RASGEF1B: variants seen among roughly 807,000 people sequenced by gnomAD.
The protein encoded by RASGEF1B is ras-GEF domain-containing family member 1B.
Under a neutral mutation model 65.7 loss-of-function variants are expected in RASGEF1B, and 30 were observed. The ratio of observed to expected loss-of-function variants is 0.46; its 90% CI spans 0.34 to 0.62. The LOEUF (loss-of-function observed/expected upper bound fraction) is 0.62, where lower values mean the gene tolerates loss of function less well. Among genes scored for constraint, RASGEF1B ranks in the 20% least tolerant of loss-of-function variants. The pLI, the probability that RASGEF1B is intolerant of heterozygous loss-of-function variation, is 0.01. For missense variants in RASGEF1B, 495 were observed against 580.1 expected (o/e 0.85, Z 1.51); for synonymous variants, 175 against 194.8 (o/e 0.90, Z 0.85).
chr4:81,463,062 A>G (rs1253918165), intron 1 of RASGEF1B, among the ~76,000 whole-genome samples: 1 of 152,192 alleles, frequency 6.6e-6, no homozygotes, highest in African/African-American at 2.4e-5. Context: ...TATGCTGCAA[A>G]TGGTCTTCTT....
At chr4:81,448,368 G>T in intron 4 of RASGEF1B, 84 bp from the exon 5 acceptor site, 1 of 1,140,194 alleles carries the variant, frequency 8.8e-7, no homozygotes, top group Non-Finnish European at 1.3e-6. Context: ...GTCCTCAAAT[G>T]ATTTTACCTG....
chr4:81,448,990 T>G (rs527910450), intron 4 of RASGEF1B, among the ~76,000 whole-genome samples: 15 of 152,202 alleles, frequency 9.9e-5, no homozygotes, highest in African/African-American at 3.6e-4. Context: ...AATTTTTGTA[T>G]TTTTGTAGAG....
At chr4:81,431,044 T>C (rs1169327308) in intron 13 of RASGEF1B, among the ~76,000 whole-genome samples, 1 of 151,986 alleles carries the variant, frequency 6.6e-6, no homozygotes, top group Non-Finnish European at 1.5e-5. Context: ...AGGAGACATA[T>C]GGAAGGCAAA....
intron 1 of RASGEF1B, among the ~76,000 whole-genome samples, chr4:81,460,192 G>A (rs921387247): frequency 6.6e-6 from 1 of 152,206 alleles, no homozygotes; most frequent in African/African-American, 2.4e-5. Context: ...CATGCAGGCT[G>A]AGAAGACACC....
chr4:81,450,692 C>T (rs915132976), intron 4 of RASGEF1B, among the ~76,000 whole-genome samples: 3 of 151,936 alleles, frequency 2.0e-5, no homozygotes, highest in Admixed American at 2.0e-4. Context: ...AAGTATGAGC[C>T]ACCGTACCCA....
At chr4:81,439,403 T>C (rs1721759312) in intron 10 of RASGEF1B, among the ~76,000 whole-genome samples, 1 of 152,168 alleles carries the variant, frequency 6.6e-6, no homozygotes, top group Non-Finnish European at 1.5e-5. Context: ...ATGTGAAGGG[T>C]AAATACTTGG....
intron 1 of RASGEF1B, among the ~76,000 whole-genome samples, chr4:81,463,431 C>T (rs1035280845): frequency 3.3e-5 from 5 of 152,114 alleles, no homozygotes; most frequent in East Asian, 1.9e-4. Flanking sequence ...GAGCATCTAA[C>T]GAGGGATAGC....
At chr4:81,435,424 A>C (rs1400137566) in intron 10 of RASGEF1B, among the ~76,000 whole-genome samples, 2 of 148,330 alleles carry the variant, frequency 1.3e-5, no homozygotes, top group African/African-American at 5.0e-5. Context: ...TCTCAAAAAA[A>C]AAAAAAAAAA....
At chr4:81,434,329 G>T (rs1375713922) in intron 11 of RASGEF1B, among the ~76,000 whole-genome samples, 1 of 152,142 alleles carries the variant, frequency 6.6e-6, no homozygotes, top group African/African-American at 2.4e-5. Flanking sequence ...GGTATTACAG[G>T]CGTGAGCTAC....
intron 10 of RASGEF1B, among the ~76,000 whole-genome samples, chr4:81,438,667 T>C (rs891482007): frequency 1.3e-5 from 2 of 152,228 alleles, no homozygotes; most frequent in Non-Finnish European, 2.9e-5. Context: ...ACCCGTCATC[T>C]AGGTTTTAAG....
chr4:81,430,014 C>T (rs56257782), intron 13 of RASGEF1B, among the ~76,000 whole-genome samples: 2,156 of 152,310 alleles, frequency 0.014, 27 homozygotes, highest in Middle Eastern at 0.061. Context: ...GAGCTACTTC[C>T]ACTCAATAAA....
intron 8 of RASGEF1B, among the ~76,000 whole-genome samples, chr4:81,443,323 A>G (rs1401851645): frequency 6.6e-6 from 1 of 152,188 alleles, no homozygotes; most frequent in African/African-American, 2.4e-5. Context: ...CACAGATCTT[A>G]AACACATAAT....
chr4:81,430,507 T>C (rs940074375), intron 13 of RASGEF1B, among the ~76,000 whole-genome samples: 35 of 152,146 alleles, frequency 2.3e-4, no homozygotes, highest in Non-Finnish European at 1.5e-4. Flanking sequence ...CCACTGGGGC[T>C]TCAAGAGCTA....
At chr4:81,442,224 C>T (rs1214803988) in intron 9 of RASGEF1B, 73 bp downstream of exon 9, 1 of 988,814 alleles carries the variant, frequency 1.0e-6, no homozygotes, top group East Asian at 2.4e-5. Flanking sequence ...GATGGAGAGG[C>T]AAGACCACAT....
chr4:81,466,579 A>G lies in RASGEF1B; in HGVS notation c.-7+5191T>C, dbSNP rs193177422. On this transcript the variant is annotated intron_variant, in intron 1 of 13. Transcript: ENST00000264400. ...TCGAGACCATCCTGGCTAACACGGT[A>G]AAACCCTGTCTCTACTAAAAACACA... Among the ~76,000 whole-genome samples, 170 of 151,890 alleles carry G rather than the reference A, an allele frequency of 1.1e-3. 2 individuals are homozygous for G. In the Middle Eastern group the frequency reaches 0.031, roughly 28 times the overall value.
intron 4 of RASGEF1B, chr4:81,450,826 G>A (rs1017303795): frequency 6.6e-6 from 1 of 152,114 alleles, no homozygotes; most frequent in African/African-American, 2.4e-5. Context: ...TCATGCCACA[G>A]CACTCCAGCC....
chr4:81,466,937 T>TA (rs760715662), intron 1 of RASGEF1B, among the ~76,000 whole-genome samples: 18,621 of 93,672 alleles, frequency 0.2, 2,025 homozygotes, highest in African/African-American at 0.24. Context: ...CTTACCTCCT[T>TA]AAAAAAAAAA....
chr4:81,461,194 T>C (rs1214460650), intron 1 of RASGEF1B, among the ~76,000 whole-genome samples: 3 of 152,236 alleles, frequency 2.0e-5, no homozygotes, highest in Non-Finnish European at 4.4e-5. Flanking sequence ...CGTTGCAAAC[T>C]GGCCATCCTT....
chr4:81,436,076 C>G (rs1315169021), intron 10 of RASGEF1B, among the ~76,000 whole-genome samples: 2 of 152,078 alleles, frequency 1.3e-5, no homozygotes, highest in Non-Finnish European at 2.9e-5. Flanking sequence ...GCCACCAAGC[C>G]CAGCCATGTA....
Sources: gnomAD v4.1 joint callset for allele counts (sites outside exome capture counted in the v4.1 genomes callset) on GRCh38, gnomAD v4.1.1 for gene constraint, MANE v1.5 for transcripts, NCBI Gene and HGNC (gene_info 2026-07-23, HGNC 2026-07-21) for gene names.